The following ELL2 variants were observed in gnomAD, a reference collection of about 807,000 sequenced individuals.
The protein encoded by ELL2 is RNA polymerase II elongation factor ELL2.
In ELL2, 21 loss-of-function variants were observed where a neutral mutation model predicts 72.8. The ratio of observed to expected loss-of-function variants is 0.29; its 90% CI spans 0.20 to 0.42. The LOEUF (loss-of-function observed/expected upper bound fraction) is 0.42, where lower values mean the gene tolerates loss of function less well. ELL2 is among the 10% of genes least tolerant of loss of function. The pLI is 1.00. For missense variants in ELL2, 568 were observed against 772.8 expected (o/e 0.73, Z 3.14); for synonymous variants, 266 against 283.2 (o/e 0.94, Z 0.61).
intron 2 of ELL2, among the ~76,000 whole-genome samples, chr5:95,926,809 C>G (rs11738945): frequency 6.6e-6 from 1 of 152,042 alleles, no homozygotes; most frequent in East Asian, 1.9e-4. Context: ...ATATCATCGA[C>G]GGCAACATTT....
intron 8 of ELL2, among the ~76,000 whole-genome samples, chr5:95,897,512 T>G (rs1265085167): frequency 6.6e-6 from 1 of 152,232 alleles, no homozygotes; most frequent in Admixed American, 6.5e-5. Context: ...TTTTTATGAA[T>G]TAGCTTTTCT....
intron 7 of ELL2, chr5:95,900,394 G>A (rs921882536): frequency 4.6e-6 from 1 of 216,102 alleles, no homozygotes; most frequent in Non-Finnish European, 9.0e-6. Context: ...GACTGGGTAA[G>A]TCTTCTAGTT....
At chr5:95,924,366 G>C (rs1750210631) in intron 2 of ELL2, among the ~76,000 whole-genome samples, 1 of 152,152 alleles carries the variant, frequency 6.6e-6, no homozygotes, top group African/African-American at 2.4e-5. Context: ...TGAGGACTGA[G>C]GTAACCACCA....
chr5:95,898,921 C>T, intron 7 of ELL2, 111 bp from the exon 8 acceptor site: 1 of 794,676 alleles, frequency 1.3e-6, no homozygotes, highest in Non-Finnish European at 1.8e-6. Flanking sequence ...ATTAATATTA[C>T]CAGGGTTGTA....
chr5:95,931,041 A>G (rs72785440), intron 2 of ELL2, among the ~76,000 whole-genome samples: 1 of 151,792 alleles, frequency 6.6e-6, no homozygotes, highest in Non-Finnish European at 1.5e-5. Flanking sequence ...TCCAGTTCCA[A>G]GTTGTTTCTC....
chr5:95,933,442 A>G lies in ELL2; in HGVS notation c.195+9560T>C, dbSNP rs1379146441. Among the ~76,000 whole-genome samples, 3 of 152,222 alleles carry G rather than the reference A, an allele frequency of 2.0e-5. No homozygotes were observed. The East Asian group carries it at 5.8e-4, about 29-fold the overall frequency. ...AAATGAAATGTTAGGTAGCTATTTA[A>G]AAGCAACTTTTATTATTTAATAACA... On this transcript the variant is annotated intron_variant, in intron 2 of 11. Coordinates refer to ENST00000237853, the MANE Select transcript of ELL2 (RefSeq NM_012081.6).
At chr5:95,919,629 A>T in intron 2 of ELL2, 84 bp from the exon 3 acceptor site, 1 of 1,454,536 alleles carries the variant, frequency 6.9e-7, no homozygotes, top group East Asian at 2.6e-5. Context: ...TGGTTTTTCT[A>T]GTGAAAATCA....
At chr5:95,950,912 A>G (rs1247446832) in intron 1 of ELL2, among the ~76,000 whole-genome samples, 41 of 45,702 alleles carry the variant, frequency 9.0e-4, no homozygotes, top group Admixed American at 4.6e-3. Flanking sequence ...GTGTATATAT[A>G]TATATATATA....
intron 3 of ELL2, among the ~76,000 whole-genome samples, chr5:95,916,707 T>C (rs1256996333): frequency 6.6e-6 from 1 of 151,376 alleles, no homozygotes; most frequent in Non-Finnish European, 1.5e-5. Context: ...TTTTATTTTC[T>C]TTTTTAATAA....
intron 2 of ELL2, among the ~76,000 whole-genome samples, chr5:95,942,734 T>C (rs1751014934): frequency 6.6e-6 from 1 of 152,176 alleles, no homozygotes; most frequent in African/African-American, 2.4e-5. Flanking sequence ...ACGTTATACT[T>C]CAATAAAAAG....
chr5:95,924,076 A>C (rs1750196964), intron 2 of ELL2, among the ~76,000 whole-genome samples: 1 of 152,204 alleles, frequency 6.6e-6, no homozygotes, highest in Non-Finnish European at 1.5e-5. Flanking sequence ...TGGCAACTTC[A>C]GAGCAGACCA....
At chr5:95,914,762 T>C (rs781411902) in intron 3 of ELL2, among the ~76,000 whole-genome samples, 10 of 152,050 alleles carry the variant, frequency 6.6e-5, no homozygotes, top group Admixed American at 1.3e-4. Flanking sequence ...GGAGGGTCTC[T>C]TGAGCCCAGG....
intron 2 of ELL2, among the ~76,000 whole-genome samples, chr5:95,929,419 C>T (rs751585128): frequency 5.9e-5 from 9 of 151,988 alleles, no homozygotes; most frequent in South Asian, 2.1e-4. Context: ...CCACCACATC[C>T]GGCTAATTTT....
chr5:95,923,183 G>A (rs1750158128), intron 2 of ELL2, among the ~76,000 whole-genome samples: 1 of 150,868 alleles, frequency 6.6e-6, no homozygotes, highest in South Asian at 2.1e-4. Flanking sequence ...CTGGGAGTTC[G>A]AGACCAGCCC....
intron 2 of ELL2, among the ~76,000 whole-genome samples, chr5:95,923,665 G>A (rs1750180404): frequency 6.6e-6 from 1 of 152,030 alleles, no homozygotes; most frequent in East Asian, 1.9e-4. Context: ...AGATGGTATG[G>A]TCTGAGCTAA....
intron 8 of ELL2, 85 bp from the exon 9 acceptor site, chr5:95,895,776 T>G (rs1748851830): frequency 9.7e-7 from 1 of 1,030,034 alleles, no homozygotes; most frequent in Admixed American, 1.9e-5. Flanking sequence ...ATTAGAAACA[T>G]CTGGAACACT....
chr5:95,910,619 T>C (rs1254216698), intron 4 of ELL2, among the ~76,000 whole-genome samples: 2 of 152,170 alleles, frequency 1.3e-5, no homozygotes, highest in Non-Finnish European at 2.9e-5. Flanking sequence ...CTCATATTCC[T>C]GGGCAATGAG....
chr5:95,925,968 T>C (rs1314258329), intron 2 of ELL2, among the ~76,000 whole-genome samples: 1 of 152,208 alleles, frequency 6.6e-6, no homozygotes, highest in Non-Finnish European at 1.5e-5. Context: ...TCTAGACTCT[T>C]GATTCTGTGA....
At chr5:95,957,075 A>G (rs1751653642) in intron 1 of ELL2, among the ~76,000 whole-genome samples, 2 of 152,216 alleles carry the variant, frequency 1.3e-5, no homozygotes, top group African/African-American at 4.8e-5. Flanking sequence ...TTTATGTAAT[A>G]GTCAGCAAAC....
Sources: allele counts gnomAD v4.1 joint callset (sites outside exome capture counted in the v4.1 genomes callset), GRCh38; gene constraint gnomAD v4.1.1; transcripts MANE v1.5; gene names NCBI Gene and HGNC (gene_info 2026-07-23, HGNC 2026-07-21).